OPRM1: variants seen among roughly 807,000 people sequenced by gnomAD.
OPRM1 encodes opioid receptor mu 1, also known as mu-type opioid receptor.
In OPRM1, 27 loss-of-function variants were observed where a neutral mutation model predicts 31.8. The observed-to-expected ratio is 0.85, with a 90% CI of 0.63 to 1.17. The LOEUF (loss-of-function observed/expected upper bound fraction) is 1.17. OPRM1 is among the 50% of genes most tolerant of loss of function. OPRM1 has a pLI of 0.00. For missense variants in OPRM1, 536 were observed against 511.1 expected (o/e 1.05, Z -0.47); for synonymous variants, 196 against 189.9 (o/e 1.03, Z -0.26).
At chr6:154,200,305 G>A (rs1776957937) in intron 3 of OPRM1, among the ~76,000 whole-genome samples, 1 of 152,092 alleles carries the variant, frequency 6.6e-6, no homozygotes, top group Admixed American at 6.5e-5. Context: ...ATTCTTCAAT[G>A]CTCTCCAGAA....
At chr6:154,071,076 G>T (rs769875079) in intron 1 of OPRM1, among the ~76,000 whole-genome samples, 1 of 152,178 alleles carries the variant, frequency 6.6e-6, no homozygotes, top group Non-Finnish European at 1.5e-5. Flanking sequence ...GAGCAAGCAG[G>T]TCTTCACTTT....
rs73567174 is a variant in OPRM1, at chr6:154,222,297, C to T, written c.1165-24396C>T. On this transcript the variant is annotated intron_variant, in intron 3 of 3. Transcript: ENST00000337049. ...TAAATAGCCAATCCTTTTCAAACCA[C>T]AAGAATCAGCACTGGACATGTGCAA... Among the ~76,000 whole-genome samples, 533 of 152,364 alleles carry T rather than the reference C, an allele frequency of 3.5e-3. 4 individuals carry two copies. Among genetic ancestry groups the T allele is most frequent in the African/African-American group, 0.012 (507 of 41,568 alleles).
intron 1 of OPRM1, among the ~76,000 whole-genome samples, chr6:154,052,670 A>T (rs756391557): frequency 3.9e-5 from 6 of 152,226 alleles, no homozygotes; most frequent in Non-Finnish European, 7.3e-5. Context: ...GACACAGAAC[A>T]TCTTAAATAA....
chr6:154,145,044 G>A (rs1201489778), intron 3 of OPRM1, among the ~76,000 whole-genome samples: 1 of 143,754 alleles, frequency 7.0e-6, no homozygotes, highest in Non-Finnish European at 1.5e-5. Context: ...ATTTAATGGT[G>A]AAAGACTGGA....
At chr6:154,050,001 G>A (rs768755664) in intron 1 of OPRM1, among the ~76,000 whole-genome samples, 5 of 152,084 alleles carry the variant, frequency 3.3e-5, no homozygotes, top group Non-Finnish European at 7.4e-5. Context: ...TGGCATCAGG[G>A]TAATACTGGC....
intron 3 of OPRM1, among the ~76,000 whole-genome samples, chr6:154,105,526 T>C (rs529572343): frequency 6.6e-6 from 1 of 152,330 alleles, no homozygotes; most frequent in East Asian, 1.9e-4. Context: ...AGTTCTATAG[T>C]TGATTATAAA....
At chr6:154,154,002 G>T (rs1798616059) in intron 3 of OPRM1, among the ~76,000 whole-genome samples, 1 of 152,156 alleles carries the variant, frequency 6.6e-6, no homozygotes, top group Non-Finnish European at 1.5e-5. Flanking sequence ...AATACCTTTG[G>T]TCTAAAATAA....
intron 3 of OPRM1, chr6:154,156,509 A>G (rs1237720076): frequency 6.6e-6 from 1 of 152,286 alleles, no homozygotes; most frequent in Admixed American, 6.5e-5. Context: ...ACTTCACTGT[A>G]ATAATCCACA....
intron 1 of OPRM1, among the ~76,000 whole-genome samples, chr6:154,050,612 G>A (rs1205455894): frequency 6.6e-6 from 1 of 151,978 alleles, no homozygotes; most frequent in Non-Finnish European, 1.5e-5. Context: ...AAAGGGTAGT[G>A]GGGGCTGATG....
At chr6:154,035,346 G>T (rs1241390574), upstream of OPRM1, among the ~76,000 whole-genome samples, 1 of 152,040 alleles carries the variant, frequency 6.6e-6, no homozygotes, top group African/African-American at 2.4e-5. Flanking sequence ...AATAAAGAGT[G>T]CCTATTCCAT....
chr6:154,142,728 T>C (rs1798251794), intron 3 of OPRM1, among the ~76,000 whole-genome samples: 1 of 152,214 alleles, frequency 6.6e-6, no homozygotes, highest in South Asian at 2.1e-4. Context: ...TGCCTCAGTC[T>C]CTTTTTCTGA....
At position 154,119,484 on chromosome 6, in the gene OPRM1, G is replaced by C. The variant is rs1391830504; in HGVS notation, c.*763G>C. On this transcript the variant is annotated 3_prime_UTR_variant, in exon 4 of 4. Transcript: ENST00000330432. ...TCAGTTTTAAATGTGCAATTTTCTT[G>C]CTCCTATTTAAGTGTTCACAAAAGG... The C allele has an allele frequency of 1.0e-6, 1 of 980,378 alleles. No individual in the cohort carries two copies. The highest frequency in any genetic ancestry group is 1.2e-6 in the Non-Finnish European group (1 of 825,558). 60.7% of individuals were successfully genotyped at this position (980,378 alleles called of 1,614,324 possible).
chr6:154,170,638 T>C (rs1210380728), intron 3 of OPRM1, among the ~76,000 whole-genome samples: 1 of 152,192 alleles, frequency 6.6e-6, no homozygotes, highest in African/African-American at 2.4e-5. Flanking sequence ...GACTTTTGGC[T>C]CACACCGTGT....
In OPRM1 at chr6:154,091,184, C is replaced by G. The variant is rs749043546; in HGVS notation, c.876C>G (p.Ile292Met). The G allele has an allele frequency of 1.2e-6, 2 of 1,613,990 alleles. No homozygotes were observed. The highest frequency in any genetic ancestry group is 1.7e-6 in the Non-Finnish European group (2 of 1,180,022). ...RMVLVVVAVF[I>M]VCWTPIHIYV... ...TGCTGGTGGTGGTGGCTGTGTTCAT[C>G]GTCTGCTGGACTCCCATTCACATTT... The change falls in exon 3 of 4, where the codon ATC becomes ATG. Residue 292 changes from isoleucine (I) to methionine (M), a missense_variant. Coordinates refer to ENST00000330432, the MANE Select transcript of OPRM1 (RefSeq NM_000914.5).
downstream of OPRM1, among the ~76,000 whole-genome samples, chr6:154,133,967 G>A (rs768394178): frequency 1.3e-5 from 2 of 152,224 alleles, no homozygotes; most frequent in Non-Finnish European, 2.9e-5. Context: ...GGTTGACTGG[G>A]ACATAGGGTT....
At chr6:154,069,674 A>G (rs1377780361) in intron 1 of OPRM1, among the ~76,000 whole-genome samples, 1 of 152,126 alleles carries the variant, frequency 6.6e-6, no homozygotes, top group Non-Finnish European at 1.5e-5. Flanking sequence ...TTGAATTTAT[A>G]CTTTATCTGG....
At chr6:154,159,832 A>C (rs1449993666) in intron 3 of OPRM1, 3 of 1,610,240 alleles carry the variant, frequency 1.9e-6, no homozygotes, top group African/African-American at 1.3e-5. Context: ...TTTGTCTCAA[A>C]TGGAATTTTC....
chr6:154,067,801 T>A (rs969274132), intron 1 of OPRM1, among the ~76,000 whole-genome samples: 1 of 152,096 alleles, frequency 6.6e-6, no homozygotes, highest in Non-Finnish European at 1.5e-5. Context: ...GCTTTATATG[T>A]TTTTTAATGG....
At chr6:154,014,496 A>G (rs1348432846) in intron 1 of OPRM1, among the ~76,000 whole-genome samples, 1 of 152,146 alleles carries the variant, frequency 6.6e-6, no homozygotes, top group Non-Finnish European at 1.5e-5. Flanking sequence ...GATCATATAT[A>G]CAAAACTACA....
Sources: gnomAD v4.1 joint callset for allele counts (sites outside exome capture counted in the v4.1 genomes callset) on GRCh38, gnomAD v4.1.1 for gene constraint, MANE v1.5 for transcripts, NCBI Gene and HGNC (gene_info 2026-07-23, HGNC 2026-07-21) for gene names.